RADX: variants seen among roughly 807,000 people sequenced by gnomAD.
The protein encoded by RADX is RPA-related protein RADX.
A neutral mutation model predicts 61.6 loss-of-function variants in RADX; 36 were observed. The ratio of observed to expected loss-of-function variants is 0.58; its 90% CI spans 0.45 to 0.77. RADX has a LOEUF of 0.77. Among genes scored for constraint, RADX ranks in the 30% least tolerant of loss-of-function variants. The pLI, the probability that RADX is intolerant of heterozygous loss-of-function variation, is 0.00. For missense variants in RADX, 497 were observed against 651.1 expected (o/e 0.76, Z 2.58); for synonymous variants, 272 against 237.9 (o/e 1.14, Z -1.32).
chrX:106,664,907 A>G (rs935284296), intron 12 of RADX, among the ~76,000 whole-genome samples: 1 of 111,422 alleles, frequency 9.0e-6, no homozygotes, highest in African/African-American at 3.3e-5. Flanking sequence ...TGAAAACTCT[A>G]TGCTTTAAGT....
At chrX:106,666,389 T>G (rs989967591) in intron 12 of RADX, among the ~76,000 whole-genome samples, 1 of 112,053 alleles carries the variant, frequency 8.9e-6, no homozygotes, top group Non-Finnish European at 1.9e-5. Flanking sequence ...CTATTTGTCT[T>G]TTAAAAGTCA....
intron 11 of RADX, among the ~76,000 whole-genome samples, chrX:106,652,021 T>C (rs926194843): frequency 8.3e-5 from 9 of 108,256 alleles, no homozygotes; most frequent in African/African-American, 1.3e-4. Context: ...ATCTCTCTCT[T>C]TTTTTTTTAA....
intron 1 of RADX, among the ~76,000 whole-genome samples, chrX:106,615,682 C>G (rs1001666335): frequency 1.8e-5 from 2 of 108,624 alleles, no homozygotes; most frequent in African/African-American, 7.1e-5. Flanking sequence ...TCCTCTCTTA[C>G]ATTTTTATAA....
At chrX:106,672,029 C>G (rs1042313340) in intron 13 of RADX, among the ~76,000 whole-genome samples, 3 of 111,526 alleles carry the variant, frequency 2.7e-5, no homozygotes, top group Non-Finnish European at 3.8e-5. Flanking sequence ...GGTTTTATGT[C>G]ATACTCAGGC....
intron 3 of RADX, among the ~76,000 whole-genome samples, chrX:106,625,533 G>T (rs6622098): frequency 0.11 from 11,895 of 110,773 alleles, 1,553 homozygotes; most frequent in African/African-American, 0.37. Flanking sequence ...CACTTGGATT[G>T]TACTTATTTT....
At chrX:106,619,595 CT>C (rs759439110) in intron 1 of RADX, among the ~76,000 whole-genome samples, 1 of 111,759 alleles carries the variant, frequency 8.9e-6, no homozygotes, top group African/African-American at 3.2e-5. Flanking sequence ...CATTCATAAA[CT>C]TTTTTCATTT....
intron 12 of RADX, among the ~76,000 whole-genome samples, chrX:106,667,509 G>C (rs1380329529): frequency 1.8e-5 from 2 of 110,035 alleles, no homozygotes; most frequent in African/African-American, 6.6e-5. Context: ...ATTTTTGGTA[G>C]AGACAGGGTT....
chrX:106,617,769 T>A (rs2147610003), intron 1 of RADX, among the ~76,000 whole-genome samples: 1 of 111,577 alleles, frequency 9.0e-6, no homozygotes, highest in Non-Finnish European at 1.9e-5. Flanking sequence ...GAAAAATAAC[T>A]TAAGTGCTTC....
intron 12 of RADX, among the ~76,000 whole-genome samples, chrX:106,662,632 C>G (rs1181139113): frequency 9.3e-6 from 1 of 107,072 alleles, no homozygotes; most frequent in African/African-American, 3.4e-5. Context: ...ATATTCTCTG[C>G]TTCTTCATTC....
chrX:106,622,221 T>C (rs1321737660), intron 1 of RADX, among the ~76,000 whole-genome samples: 1 of 111,269 alleles, frequency 9.0e-6, no homozygotes, highest in Non-Finnish European at 1.9e-5. Flanking sequence ...TTATAGGCAT[T>C]AGCCACTGCA....
At chrX:106,626,020 A>T (rs1003875655) in intron 3 of RADX, among the ~76,000 whole-genome samples, 1 of 111,686 alleles carries the variant, frequency 9.0e-6, no homozygotes, top group Non-Finnish European at 1.9e-5. Context: ...AAATTTTGCC[A>T]ATTGCTGCAA....
intron 3 of RADX, among the ~76,000 whole-genome samples, chrX:106,627,247 G>A (rs148902152): frequency 9.0e-6 from 1 of 111,537 alleles, no homozygotes; most frequent in African/African-American, 3.3e-5. Flanking sequence ...TGATCCCAAA[G>A]GTACAGTCAA....
intron 2 of RADX, 29 bp from the exon 3 acceptor site, chrX:106,625,061 G>A (rs748891596): frequency 1.1e-5 from 12 of 1,065,638 alleles, no homozygotes; most frequent in Non-Finnish European, 1.5e-5. Flanking sequence ...TGACAAATAT[G>A]TATGTGCTTT....
chrX:106,654,529 G>T (rs1173804016), intron 11 of RADX, among the ~76,000 whole-genome samples: 1 of 111,282 alleles, frequency 9.0e-6, no homozygotes, highest in East Asian at 2.8e-4. Context: ...TTAATAAATG[G>T]TGTTGGGAAA....
At chrX:106,645,878 C>T (rs747464620) in intron 10 of RADX, among the ~76,000 whole-genome samples, 3 of 110,796 alleles carry the variant, frequency 2.7e-5, no homozygotes, top group Admixed American at 9.6e-5. Context: ...TATTGTATTG[C>T]GGCCTATCTG....
intron 3 of RADX, among the ~76,000 whole-genome samples, chrX:106,631,713 A>G (rs1394603128): frequency 9.3e-6 from 1 of 107,214 alleles, no homozygotes; most frequent in Non-Finnish European, 1.9e-5. Flanking sequence ...AAAAAAAAAA[A>G]AAAGAAAGAA....
chrX:106,627,827 T>TTTTA (rs746248386), intron 3 of RADX, among the ~76,000 whole-genome samples: 49 of 111,196 alleles, frequency 4.4e-4, no homozygotes, highest in Middle Eastern at 4.6e-3. Context: ...TTTTTATTGT[T>TTTTA]TTTATTTATT....
chrX:106,631,092 G>C (rs752304251), intron 3 of RADX, among the ~76,000 whole-genome samples: 1 of 111,635 alleles, frequency 9.0e-6, no homozygotes, highest in African/African-American at 3.3e-5. Flanking sequence ...TGTAAGACCT[G>C]TGTGGAGATG....
intron 12 of RADX, among the ~76,000 whole-genome samples, chrX:106,664,803 T>G (rs182773667): frequency 1.2e-4 from 13 of 110,117 alleles, no homozygotes; most frequent in African/African-American, 4.3e-4. Context: ...CCATTCAGTC[T>G]ACTCCATTCA....
Sources: allele counts gnomAD v4.1 joint callset (sites outside exome capture counted in the v4.1 genomes callset), GRCh38; gene constraint gnomAD v4.1.1; transcripts MANE v1.5; gene names NCBI Gene and HGNC (gene_info 2026-07-23, HGNC 2026-07-21).